The following API5 variants were observed in gnomAD, a reference collection of about 807,000 sequenced individuals.
API5 encodes the protein apoptosis inhibitor 5, also known as FIF.
API5 carries 6 observed loss-of-function variants against 71.9 expected under a neutral mutation model. The observed-to-expected ratio is 0.08, with a 90% CI of 0.05 to 0.16. The LOEUF (loss-of-function observed/expected upper bound fraction) is 0.16. Among genes scored for constraint, API5 ranks in the 10% least tolerant of loss-of-function variants. API5 has a pLI of 1.00. For synonymous variants in API5, 189 were observed against 221.3 expected, an observed-to-expected ratio of 0.85 and a Z score of 1.30; for missense variants, 332 against 612.8, an observed-to-expected ratio of 0.54 and a Z score of 4.84.
chr11:43,323,774 T>G, intron 6 of API5, 138 bp downstream of exon 6: 1 of 830,388 alleles, frequency 1.2e-6, no homozygotes, highest in Non-Finnish European at 1.8e-6. Flanking sequence ...TGTATTCAGA[T>G]TTTTGAATAT....
Position 43,318,729 on chromosome 11 carries a change from T to C in API5, c.159T>C (p.Phe53=), listed in dbSNP as rs559055377. The C allele has an allele frequency of 2.5e-6, 4 of 1,613,926 alleles. No homozygotes were observed. The highest frequency in any genetic ancestry group is 8.5e-7 in the Non-Finnish European group (1 of 1,179,990). ...CAGCTCAATTTATTCCGAAATTCTTTAAGCATTTTCCAGAATTGGCTGATT... is the reference window on the plus strand; with the variant it reads ...CAGCTCAATTTATTCCGAAATTCTTCAAGCATTTTCCAGAATTGGCTGATT... ...RLAAQFIPKF[F]KHFPELADSA... is the part of the protein sequence containing the mutation. Residue 53 remains phenylalanine, a synonymous_variant, in exon 2 of 14, where the codon TTT becomes TTC. Coordinates refer to ENST00000531273, the MANE Select transcript of API5 (RefSeq NM_001142930.2).
intron 11 of API5, among the ~76,000 whole-genome samples, chr11:43,332,590 G>A (rs975716802): frequency 6.6e-6 from 1 of 152,114 alleles, no homozygotes; most frequent in Admixed American, 6.5e-5. Context: ...CTGAGTGCAG[G>A]AGTTTCCATC....
Position 43,323,529 on chromosome 11 carries a change from G to C in API5, c.643G>C (p.Glu215Gln), listed in dbSNP as rs1854964477. The C allele has an allele frequency of 3.7e-6, 6 of 1,614,062 alleles. No individual in the cohort carries two copies. The highest frequency in any genetic ancestry group is 3.3e-5 in the South Asian group (3 of 91,088). ...QTVSGRQQLV[E>Q]LVAEQADLEQ... Reference sequence around the variant, plus strand: ...AGTGAGTGGAAGACAGCAACTTGTAGAGTTGGTGGCTGAACAGGCCGACCT... The same window carrying C: ...AGTGAGTGGAAGACAGCAACTTGTACAGTTGGTGGCTGAACAGGCCGACCT... Residue 215 changes from glutamate (E) to glutamine (Q), a missense_variant, in exon 6 of 14, where the codon GAG (glutamate) becomes CAG (glutamine). This residue lies in a region of API5 where 37 missense variants were observed against 31.3 expected (regional missense o/e 1.18). Transcript: ENST00000531273.
intron 5 of API5, among the ~76,000 whole-genome samples, 162 bp from the exon 6 acceptor site, chr11:43,323,268 C>T (rs1210131793): frequency 6.6e-6 from 1 of 152,194 alleles, no homozygotes; most frequent in Non-Finnish European, 1.5e-5. Context: ...TACACTGAAG[C>T]TCAATTGACT....
rs796898013 is a variant in API5, at chr11:43,330,172, C to T, written c.1221+114C>T. On this transcript the variant is annotated intron_variant, in intron 10 of 13. Coordinates refer to ENST00000531273, the MANE Select transcript of API5 (RefSeq NM_001142930.2). Reference sequence around the variant, plus strand: ...TCACCTAATTTAACAGTCTTCATCCCAGTCCTAATGAAATATTTTAGATTT... The same window carrying T: ...TCACCTAATTTAACAGTCTTCATCCTAGTCCTAATGAAATATTTTAGATTT... 3.7e-6 allele frequency: 3 copies of T among 802,548 alleles called. No homozygotes were observed. The African/African-American group carries it at 5.2e-5, about 14-fold the overall frequency. The allele number at this position is 802,548 out of a possible 1,614,324, so 49.7% of individuals were successfully genotyped here.
In API5 at chr11:43,330,640, A is replaced by G; in HGVS notation, c.1278+76A>G. 3.4e-6 allele frequency: 4 copies of G among 1,192,372 alleles called. No homozygotes were observed. The South Asian group carries it at 5.4e-5, about 16-fold the overall frequency. 73.9% of individuals were successfully genotyped at this position (1,192,372 alleles called of 1,614,324 possible). A position where few individuals can be genotyped will look rare whatever the true frequency, so the allele number is the denominator to read the frequency against. ...ATTTATTTATTTAAAAGTTTTGCAT[A>G]AGATACTTCCAACAAAGGGAGGCAT... On this transcript the variant is annotated intron_variant, in intron 11 of 13. Coordinates refer to ENST00000531273, the MANE Select transcript of API5 (RefSeq NM_001142930.2).
chr11:43,334,232 T>C (rs1466463637), intron 11 of API5, among the ~76,000 whole-genome samples: 3 of 152,166 alleles, frequency 2.0e-5, no homozygotes, highest in Admixed American at 2.0e-4. Context: ...CCAGGCAGAC[T>C]CATCTAATTT....
chr11:43,329,108 A>G, intron 9 of API5: 6 of 505,038 alleles, frequency 1.2e-5, no homozygotes, highest in Non-Finnish European at 2.1e-5. Flanking sequence ...TTGGGAGGCC[A>G]AGGCAGGAGG....
rs563439606 is a variant in API5 at position 43,343,189 on chromosome 11, C to CAT, written c.*684_*685dup. 4.6e-5 allele frequency: 7 copies of CAT among 152,736 alleles called. No homozygotes were observed. The East Asian group carries it at 1.2e-3, about 25-fold the overall frequency. 9.5% of individuals were successfully genotyped at this position (152,736 alleles called of 1,614,324 possible). ...TGTATAATATACATACATACATAAG[C>CAT]ATATATGTGTGTGTGTGTGTGTATA... On this transcript the variant is annotated 3_prime_UTR_variant, in exon 14 of 14. Transcript: ENST00000531273.
At chr11:43,341,924 C>T (rs574620961) in intron 13 of API5, among the ~76,000 whole-genome samples, 4 of 151,880 alleles carry the variant, frequency 2.6e-5, no homozygotes, top group African/African-American at 7.2e-5. Context: ...TGAGGCAGGA[C>T]GATCCCTTGA....
intron 11 of API5, among the ~76,000 whole-genome samples, chr11:43,334,490 C>T (rs960113566): frequency 1.6e-4 from 25 of 151,966 alleles, no homozygotes; most frequent in African/African-American, 3.4e-4. Flanking sequence ...ATACCAGGGA[C>T]GATTTTTTAT....
chr11:43,330,918 A>G (rs1855230487), intron 11 of API5, among the ~76,000 whole-genome samples: 2 of 152,186 alleles, frequency 1.3e-5, no homozygotes, highest in South Asian at 4.1e-4. Flanking sequence ...ATACCTTTCC[A>G]TTAAGCCATA....
In API5 at chr11:43,320,230, C is replaced by T. The variant is rs552120754; in HGVS notation, c.232-591C>T. Among the ~76,000 whole-genome samples the T allele has an allele frequency of 2.0e-4, 30 of 151,276 alleles. No individual in the cohort carries two copies. In the South Asian group the frequency reaches 4.6e-3, roughly 23 times the overall value. ...CTGGCTAATTTTTGTATTTTTAGTACGGACAGGGTTTCACCATATTGGCAA... is the reference window on the plus strand; with the variant it reads ...CTGGCTAATTTTTGTATTTTTAGTATGGACAGGGTTTCACCATATTGGCAA... On this transcript the variant is annotated intron_variant, in intron 2 of 13. Transcript: ENST00000531273.
intron 1 of API5, 129 bp from the exon 2 acceptor site, chr11:43,318,511 C>A: frequency 6.5e-7 from 1 of 1,544,394 alleles, no homozygotes; most frequent in Non-Finnish European, 8.7e-7. Context: ...AGTAAACCTC[C>A]CAAAATCAGC....
intron 1 of API5, among the ~76,000 whole-genome samples, chr11:43,318,127 A>T (rs1442639545): frequency 1.3e-5 from 2 of 152,214 alleles, no homozygotes; most frequent in Non-Finnish European, 2.9e-5. Flanking sequence ...CTCCTGCCTC[A>T]GCCTCCCGAG....
At chr11:43,329,507 A>G (rs5743245) in intron 9 of API5, among the ~76,000 whole-genome samples, 2,212 of 152,346 alleles carry the variant, frequency 0.015, 35 homozygotes, top group Admixed American at 0.025. Context: ...TTGTTAAGTG[A>G]TAATAGTACC....
chr11:43,321,543 A>C, intron 4 of API5, 67 bp downstream of exon 4: 2 of 1,272,738 alleles, frequency 1.6e-6, no homozygotes, highest in Non-Finnish European at 2.2e-6. Context: ...GGTGTTACTC[A>C]TTAAGAATAA....
At chr11:43,329,932 G>A in intron 9 of API5, 33 bp from the exon 10 acceptor site, 3 of 1,584,398 alleles carry the variant, frequency 1.9e-6, no homozygotes, top group Middle Eastern at 3.3e-4. Flanking sequence ...TTGAAGTGAT[G>A]AATTGCTAAT....
intron 6 of API5, among the ~76,000 whole-genome samples, chr11:43,324,658 T>C (rs1160230896): frequency 1.3e-5 from 2 of 152,064 alleles, no homozygotes; most frequent in Non-Finnish European, 2.9e-5. Context: ...CACTAAAAGA[T>C]GTCCACAATT....
Sources: gnomAD v4.1 joint callset for allele counts (sites outside exome capture counted in the v4.1 genomes callset) on GRCh38, gnomAD v4.1.1 for gene constraint, gnomAD v4.1.1 regional missense constraint, MANE v1.5 for transcripts, NCBI Gene and HGNC (gene_info 2026-07-23, HGNC 2026-07-21) for gene names.